The following NAV1 variants were observed in gnomAD, a reference collection of about 807,000 sequenced individuals.
NAV1 encodes the protein neuron navigator 1.
Under a neutral mutation model 175.2 loss-of-function variants are expected in NAV1, and 18 were observed. That is an observed-to-expected ratio of 0.10 (90% confidence interval 0.07 to 0.15). The LOEUF is 0.15. Among genes scored for constraint, NAV1 ranks in the 10% least tolerant of loss-of-function variants. The pLI, the probability that NAV1 is intolerant of heterozygous loss-of-function variation, is 1.00. For synonymous variants in NAV1, 897 were observed against 978.7 expected (o/e 0.92, Z 1.56); for missense variants, 1,731 against 2,436.6 (o/e 0.71, Z 6.10).
chr1:201,788,371 G>T lies in NAV1; in HGVS notation c.2996-97G>T, dbSNP rs1254876882. On this transcript the variant is annotated intron_variant, in intron 9 of 29. Transcript: ENST00000367296. The surrounding 1 kb of genome is among the most constrained non-coding windows in gnomAD (Gnocchi z 5.7). Reference sequence around the variant, plus strand: ...CTCCCCATTTGCCTCTCATGCTCCCGGTGCTCCATCCCCCAAGGGCCCGGA... The same window carrying T: ...CTCCCCATTTGCCTCTCATGCTCCCTGTGCTCCATCCCCCAAGGGCCCGGA... 7 of 1,316,882 alleles carry T rather than the reference G, an allele frequency of 5.3e-6. No individual in the cohort carries two copies. In the Middle Eastern group the frequency reaches 1.1e-3, roughly 215 times the overall value. The allele number at this position is 1,316,882 out of a possible 1,614,324, so 81.6% of individuals were successfully genotyped here. A position where few individuals can be genotyped will look rare whatever the true frequency, so the allele number is the denominator to read the frequency against.
chr1:201,808,339 A>G lies in NAV1; in HGVS notation c.3846-79A>G. ...TCAATGGGCAGGAGAAGCCAAGACC[A>G]CCAACCATGCCTCTCAATATTCTCT... On this transcript the variant is annotated intron_variant, in intron 18 of 29. Coordinates refer to ENST00000367296, the Ensembl canonical transcript of NAV1. This position sits in a 1 kb window ranked among gnomAD's most constrained non-coding sequence, Gnocchi z 5.5. 1 of 1,505,630 alleles carries G rather than the reference A, an allele frequency of 6.6e-7. No homozygotes were observed. Among genetic ancestry groups the G allele is most frequent in the South Asian group, 1.3e-5 (1 of 76,240 alleles). The allele number at this position is 1,505,630 out of a possible 1,614,324, so 93.3% of individuals were successfully genotyped here. A position where few individuals can be genotyped will look rare whatever the true frequency, so the allele number is the denominator to read the frequency against.
At chr1:201,675,867 A>G (rs920544641) in intron 1 of NAV1, among the ~76,000 whole-genome samples, 1 of 152,238 alleles carries the variant, frequency 6.6e-6, no homozygotes, top group African/African-American at 2.4e-5. Context: ...GAAGAAAAGA[A>G]TGGCAAACTT....
chr1:201,823,987 T>A (rs1029671437), exon 30 of NAV1: 6 of 152,192 alleles, frequency 3.9e-5, no homozygotes, highest in African/African-American at 1.2e-4. Context: ...TTAGGTAAAA[T>A]TTGCCTGACT....
At chr1:201,746,312 TAG>T (rs1240588307) in intron 3 of NAV1, among the ~76,000 whole-genome samples, 2 of 152,212 alleles carry the variant, frequency 1.3e-5, no homozygotes, top group Non-Finnish European at 2.9e-5. Context: ...AGAGCTAATA[TAG>T]CTGTACAGCT....
At chr1:201,690,396 G>A (rs556133252) in intron 1 of NAV1, among the ~76,000 whole-genome samples, 2 of 86,106 alleles carry the variant, frequency 2.3e-5, no homozygotes, top group African/African-American at 7.7e-5. Flanking sequence ...CCTGTCTGTG[G>A]CAGAGTGCTG....
At chr1:201,598,805 C>T (rs527686839) in intron 2 of NAV1, among the ~76,000 whole-genome samples, 84 of 152,220 alleles carry the variant, frequency 5.5e-4, no homozygotes, top group Non-Finnish European at 9.7e-4. Flanking sequence ...TGGTAGGGTC[C>T]CGGCCATGAG....
chr1:201,626,884 C>T (rs1426475062), intron 1 of NAV1, among the ~76,000 whole-genome samples: 2 of 152,126 alleles, frequency 1.3e-5, no homozygotes, highest in East Asian at 1.9e-4. Flanking sequence ...GAAGTGAGGG[C>T]GGACATGGAG....
exon 30 of NAV1, chr1:201,820,025 C>G: frequency 8.4e-7 from 1 of 1,185,546 alleles, no homozygotes; most frequent in Non-Finnish European, 1.3e-6. Flanking sequence ...AGAGCACTGG[C>G]TCTCCAGCCC....
intron 14 of NAV1, 94 bp from the exon 19 acceptor site, chr1:201,794,372 C>T: frequency 4.3e-6 from 5 of 1,158,604 alleles, no homozygotes; most frequent in South Asian, 2.8e-5. Flanking sequence ...AACTCCTGAC[C>T]TCAGGTGATC....
chr1:201,807,670 CCTTT>C lies in NAV1; in HGVS notation c.3649-266_3649-263del, dbSNP rs906480839. 1.3e-3 allele frequency among the ~76,000 whole-genome samples: 197 copies of C among 152,106 alleles called. No individual in the cohort carries two copies. Among genetic ancestry groups the C allele is most frequent in the African/African-American group, 3.9e-3 (161 of 41,508 alleles). ...CTGTTCTTTCTCTTGGTCCTAATTT[CCTTT>C]CTTTCTTTCTTTCTTTTGAGATGGA... On this transcript the variant is annotated intron_variant, in intron 17 of 29. Transcript: ENST00000367296. The surrounding 1 kb of genome is among the most constrained non-coding windows in gnomAD (Gnocchi z 5.4).
intron 2 of NAV1, among the ~76,000 whole-genome samples, chr1:201,614,303 C>G (rs1010056733): frequency 3.3e-5 from 5 of 152,242 alleles, no homozygotes; most frequent in Non-Finnish European, 7.3e-5. Context: ...ATCGCGGCCC[C>G]TTTAACAGGG....
At chr1:201,594,805 T>C (rs1667307507) in intron 2 of NAV1, among the ~76,000 whole-genome samples, 1 of 152,186 alleles carries the variant, frequency 6.6e-6, no homozygotes, top group Admixed American at 6.5e-5. Context: ...ACTGGGGCTC[T>C]GGGAGCTGTC....
At chr1:201,704,798 G>T (rs764314557) in intron 1 of NAV1, among the ~76,000 whole-genome samples, 52 of 152,272 alleles carry the variant, frequency 3.4e-4, no homozygotes, top group Middle Eastern at 6.8e-3. Context: ...TGAGAGAAAA[G>T]ATGCTTTTAT....
chr1:201,567,743 T>C (rs1592076), intron 1 of NAV1, among the ~76,000 whole-genome samples: 34,803 of 151,974 alleles, frequency 0.23, 4,696 homozygotes, highest in African/African-American at 0.35. Context: ...AGCACAGACA[T>C]GTCTACCCAT....
exon 1 of NAV1, chr1:201,648,704 G>A (rs1280134076): frequency 1.4e-6 from 2 of 1,426,408 alleles, no homozygotes; most frequent in South Asian, 3.0e-5. Flanking sequence ...TGCAGCCCGA[G>A]GTGGAGCTGA....
intron 1 of NAV1, among the ~76,000 whole-genome samples, chr1:201,700,838 C>T (rs1285521682): frequency 4.0e-5 from 6 of 151,626 alleles, no homozygotes; most frequent in Non-Finnish European, 7.4e-5. Flanking sequence ...GGTGAAACCC[C>T]GTCTCTAATA....
chr1:201,735,768 T>A (rs1291733134), intron 3 of NAV1, among the ~76,000 whole-genome samples: 1 of 152,170 alleles, frequency 6.6e-6, no homozygotes, highest in African/African-American at 2.4e-5. Context: ...TGGAAATTAT[T>A]TTCTTAGACA....
intron 3 of NAV1, among the ~76,000 whole-genome samples, chr1:201,765,381 CTTT>C (rs59583786): frequency 6.1e-5 from 6 of 98,616 alleles, no homozygotes; most frequent in African/African-American, 1.6e-4. Flanking sequence ...AGGAAATATT[CTTT>C]TTTTTTTTTT....
At chr1:201,656,265 C>T (rs1053019876) in intron 1 of NAV1, among the ~76,000 whole-genome samples, 1 of 152,238 alleles carries the variant, frequency 6.6e-6, no homozygotes, top group African/African-American at 2.4e-5. Flanking sequence ...TTCTGGGCGA[C>T]AGCTTTCACT....
Sources: allele counts gnomAD v4.1 joint callset (sites outside exome capture counted in the v4.1 genomes callset), GRCh38; gene constraint gnomAD v4.1.1; non-coding constraint Gnocchi (gnomAD v3.1); transcripts MANE v1.5; gene names NCBI Gene and HGNC (gene_info 2026-07-23, HGNC 2026-07-21).